UIMC1: variants seen among roughly 807,000 people sequenced by gnomAD.
The protein encoded by UIMC1 is BRCA1-A complex subunit RAP80.
In UIMC1, 42 loss-of-function variants were observed where a neutral mutation model predicts 84.9. That is an observed-to-expected ratio of 0.49 (90% CI 0.39 to 0.64). The LOEUF (loss-of-function observed/expected upper bound fraction) is 0.64, where lower values mean the gene tolerates loss of function less well. UIMC1 is among the 30% of genes least tolerant of loss of function. The pLI is 0.00. For synonymous variants in UIMC1, 281 were observed against 293.0 expected (o/e 0.96, Z 0.42); for missense variants, 825 against 847.6 (o/e 0.97, Z 0.33).
intron 8 of UIMC1, among the ~76,000 whole-genome samples, chr5:176,954,479 A>G (rs905555384): frequency 2.6e-5 from 4 of 152,120 alleles, no homozygotes; most frequent in Non-Finnish European, 5.9e-5. Flanking sequence ...TTCATGCCTA[A>G]TCCCCAGCAC....
chr5:176,913,285 GT>G (rs1185340085), intron 10 of UIMC1, among the ~76,000 whole-genome samples: 1 of 152,076 alleles, frequency 6.6e-6, no homozygotes, highest in African/African-American at 2.4e-5. Flanking sequence ...CTCCAGATTG[GT>G]ATTATTACTT....
intron 9 of UIMC1, among the ~76,000 whole-genome samples, chr5:176,949,148 T>G (rs1468861023): frequency 6.6e-6 from 1 of 152,124 alleles, no homozygotes; most frequent in African/African-American, 2.4e-5. Context: ...CTTTAAGTTT[T>G]AGGGTACATG....
In UIMC1 at chr5:177,018,243, T is replaced by C. The variant is rs1016969334; in HGVS notation, c.-9+4221A>G. ...GTGCACACCTGTAGTCCTAGCTACT[T>C]AGGAGGCTGAGGCGGAGAATTGTTT... On this transcript the variant is annotated intron_variant, in intron 1 of 5. Coordinates refer to the UIMC1 transcript ENST00000509236. 4.6e-5 allele frequency among the ~76,000 whole-genome samples: 7 copies of C among 151,644 alleles called. No homozygotes were observed. In the South Asian group the frequency reaches 1.5e-3, roughly 32 times the overall value.
At chr5:176,990,180 C>CAA (rs1054107527) in intron 1 of UIMC1, among the ~76,000 whole-genome samples, 7 of 117,082 alleles carry the variant, frequency 6.0e-5, no homozygotes, top group African/African-American at 9.6e-5. Flanking sequence ...GACTCTGTTA[C>CAA]AAAAAAAAAA....
exon 1 of UIMC1, chr5:177,022,514 G>T (rs1315302170): frequency 4.2e-6 from 2 of 474,152 alleles, no homozygotes; most frequent in East Asian, 7.6e-5. Context: ...CTCTCCGGGA[G>T]GGGGGGGTCA....
Position 176,975,443 on chromosome 5 carries a change from GTCT to G in UIMC1, c.182_184del (p.Lys61del). On this transcript the variant is annotated inframe_deletion, in exon 3 of 15. Coordinates refer to ENST00000511320, the MANE Select transcript of UIMC1 (RefSeq NM_001199298.2). ...ACACTTTGCTCTATTCGACTGTTTT[GTCT>G]TCGTTTTCTGCAACCCATTTTCCTC... 3.7e-6 allele frequency: 6 copies of G among 1,613,922 alleles called. No individual in the cohort carries two copies. Among genetic ancestry groups the G allele is most frequent in the Non-Finnish European group, 5.1e-6 (6 of 1,179,932 alleles).
intron 9 of UIMC1, among the ~76,000 whole-genome samples, chr5:176,948,005 C>CA (rs930697445): frequency 5.3e-5 from 8 of 152,144 alleles, no homozygotes; most frequent in African/African-American, 1.7e-4. Flanking sequence ...ATCCCTCCCC[C>CA]ACCCAATTAT....
intron 8 of UIMC1, among the ~76,000 whole-genome samples, chr5:176,952,804 C>A (rs1464471933): frequency 3.3e-5 from 5 of 151,594 alleles, no homozygotes; most frequent in South Asian, 2.1e-4. Flanking sequence ...CTCACACACA[C>A]AAAAAAAAGT....
At chr5:176,926,468 C>T (rs146149415) in intron 10 of UIMC1, among the ~76,000 whole-genome samples, 16 of 152,010 alleles carry the variant, frequency 1.1e-4, no homozygotes, top group Middle Eastern at 3.4e-3. Flanking sequence ...ACCCCCATCA[C>T]TACAAAATTA....
chr5:176,970,673 TAC>T (rs1561851148), intron 4 of UIMC1, 67 bp downstream of exon 4: 3 of 1,611,170 alleles, frequency 1.9e-6, no homozygotes, highest in Admixed American at 1.7e-5. Context: ...CTAATGCAAC[TAC>T]AACACCACAG....
chr5:176,949,208 T>G (rs553323077), intron 9 of UIMC1, among the ~76,000 whole-genome samples: 32 of 152,280 alleles, frequency 2.1e-4, no homozygotes, highest in African/African-American at 7.5e-4. Flanking sequence ...CATGTTGGTG[T>G]GCTGCACCCT....
In UIMC1 at chr5:176,958,169, G is replaced by A. The variant is rs764511675; in HGVS notation, c.1201-15C>T. 26 of 1,610,226 alleles carry A rather than the reference G, an allele frequency of 1.6e-5. No homozygotes were observed. The highest frequency in any genetic ancestry group is 1.3e-4 in the African/African-American group (10 of 74,868). ...CCTTGGGAAGACTGCAAAGAAATAC[G>A]TAGTATCTTAAATATACAGGCACAG... On this transcript the variant is annotated splice_polypyrimidine_tract_variant and intron_variant, in intron 6 of 14. Coordinates refer to ENST00000511320, the MANE Select transcript of UIMC1 (RefSeq NM_001199298.2).
At chr5:177,001,250 A>G (rs1774404467) in intron 1 of UIMC1, among the ~76,000 whole-genome samples, 1 of 152,200 alleles carries the variant, frequency 6.6e-6, no homozygotes, top group Non-Finnish European at 1.5e-5. Flanking sequence ...TCTAAGCACT[A>G]TCTATTGAAG....
intron 9 of UIMC1, among the ~76,000 whole-genome samples, chr5:176,947,709 T>TC (rs1765315629): frequency 6.6e-6 from 1 of 151,090 alleles, no homozygotes; most frequent in South Asian, 2.1e-4. Context: ...TCCCAGCTAC[T>TC]CGGGAGGCTG....
At chr5:176,941,549 A>G (rs529231971) in intron 10 of UIMC1, among the ~76,000 whole-genome samples, 9 of 152,354 alleles carry the variant, frequency 5.9e-5, no homozygotes, top group African/African-American at 2.2e-4. Context: ...AGTAAATAAC[A>G]TGTGCTTGCC....
intron 1 of UIMC1, among the ~76,000 whole-genome samples, chr5:177,004,653 G>T (rs116022281): frequency 0.014 from 2,175 of 152,226 alleles, 19 homozygotes; most frequent in Non-Finnish European, 0.022. Flanking sequence ...CCAGTAATGA[G>T]ACTTATTTAT....
In UIMC1 at chr5:176,943,726, T is replaced by C. The variant is rs115099080; in HGVS notation, c.1444-238A>G. On this transcript the variant is annotated intron_variant, in intron 9 of 14. Transcript: ENST00000511320. ...TATTACTCGTTTATCAGTAAGTTTA[T>C]ATATTACTCATTTATATGTAAGTAT... Among the ~76,000 whole-genome samples the C allele has an allele frequency of 9.1e-3, 1,387 of 152,364 alleles. 8 individuals carry two copies. The highest frequency in any genetic ancestry group is 0.025 in the South Asian group (121 of 4,832).
At chr5:177,005,957 T>C (rs1775198901) in intron 1 of UIMC1, among the ~76,000 whole-genome samples, 1 of 152,180 alleles carries the variant, frequency 6.6e-6, no homozygotes, top group South Asian at 2.1e-4. Context: ...GCGCCGGCCC[T>C]GCGGGGGCGA....
chr5:176,914,305 T>C (rs1348736619), intron 10 of UIMC1, among the ~76,000 whole-genome samples: 3 of 152,192 alleles, frequency 2.0e-5, no homozygotes, highest in African/African-American at 7.2e-5. Context: ...TCTGCATATA[T>C]GACAACCATA....
Sources: allele counts gnomAD v4.1 joint callset (sites outside exome capture counted in the v4.1 genomes callset), GRCh38; gene constraint gnomAD v4.1.1; transcripts MANE v1.5; gene names NCBI Gene and HGNC (gene_info 2026-07-23, HGNC 2026-07-21).